Variants in DRC9 observed in about 807,000 individuals in gnomAD.
The protein encoded by DRC9 is dynein regulatory complex subunit 9, also known as dynein regulatory complex protein 9.
chr3:197,947,667 G>A, the DRC9 span, among the ~76,000 whole-genome samples: 1 of 152,168 alleles, frequency 6.6e-6, no homozygotes, highest in Admixed American at 6.5e-5. Context: ...AACATTTTCT[G>A]TGCTCTGAGA....
chr3:197,889,505 A>G, the DRC9 span: 3 of 1,518,202 alleles, frequency 2.0e-6, no homozygotes, highest in Admixed American at 3.4e-5. Context: ...TCTTTGAGGT[A>G]CCAGGTGTTT....
At chr3:197,891,737 C>T in the DRC9 span, among the ~76,000 whole-genome samples, 1 of 152,136 alleles carries the variant, frequency 6.6e-6, no homozygotes, top group South Asian at 2.1e-4. Context: ...GTTCCCAAAA[C>T]TTTTTCAGTT....
At chr3:197,892,078 T>G in the DRC9 span, among the ~76,000 whole-genome samples, 1 of 152,314 alleles carries the variant, frequency 6.6e-6, no homozygotes, top group South Asian at 2.1e-4. Flanking sequence ...TTAGTAGAGA[T>G]AGGGTTTTGC....
the DRC9 span, among the ~76,000 whole-genome samples, chr3:197,899,709 T>TG: frequency 3.2e-3 from 477 of 151,004 alleles, 5 homozygotes; most frequent in African/African-American, 0.011. Context: ...CTGTGCAGAG[T>TG]GAGAGGGCGA....
At chr3:197,930,713 A>G in the DRC9 span, among the ~76,000 whole-genome samples, 26 of 139,164 alleles carry the variant, frequency 1.9e-4, no homozygotes, top group African/African-American at 6.9e-4. Flanking sequence ...TTGGCCCGGG[A>G]GGCAGAGCGA....
At chr3:197,928,778 A>G in the DRC9 span, among the ~76,000 whole-genome samples, 2 of 152,364 alleles carry the variant, frequency 1.3e-5, no homozygotes, top group Admixed American at 1.3e-4. Flanking sequence ...TAAAGAAGAT[A>G]TAAAGCAGAC....
At chr3:197,933,441 CAAAAA>C in the DRC9 span, among the ~76,000 whole-genome samples, 4 of 150,920 alleles carry the variant, frequency 2.7e-5, no homozygotes, top group Non-Finnish European at 5.9e-5. Flanking sequence ...ACTCTTGTCT[CAAAAA>C]AACACAAAAA....
chr3:197,931,646 C>T, the DRC9 span, among the ~76,000 whole-genome samples: 1 of 151,514 alleles, frequency 6.6e-6, no homozygotes. Flanking sequence ...CTTGCTCTGT[C>T]GCCCAGGCTG....
chr3:197,891,327 T>C, the DRC9 span: 3 of 599,194 alleles, frequency 5.0e-6, no homozygotes, highest in Non-Finnish European at 9.1e-6. Context: ...AAGTCCATGC[T>C]TCTTCTCAGA....
At chr3:197,939,792 G>C in the DRC9 span, among the ~76,000 whole-genome samples, 15 of 151,962 alleles carry the variant, frequency 9.9e-5, no homozygotes, top group East Asian at 2.7e-3. Context: ...AGGCTGGAGT[G>C]CAGTGGCGCG....
At chr3:197,943,978 G>C in the DRC9 span, 1 of 1,614,050 alleles carries the variant, frequency 6.2e-7, no homozygotes, top group Non-Finnish European at 8.5e-7. Context: ...GTACTAGGTG[G>C]TTCGCCTGTC....
chr3:197,951,625 T>C, the DRC9 span: 80 of 370,720 alleles, frequency 2.2e-4, no homozygotes, highest in African/African-American at 1.5e-3. Context: ...AGTGCTGAGA[T>C]TACAGGCTTG....
the DRC9 span, among the ~76,000 whole-genome samples, chr3:197,934,248 G>A: frequency 5.7e-5 from 8 of 139,414 alleles, no homozygotes; most frequent in East Asian, 8.5e-4. Flanking sequence ...GCAGTGGCAC[G>A]ATCTCGGCTC....
At chr3:197,918,841 T>C in the DRC9 span, among the ~76,000 whole-genome samples, 1 of 152,046 alleles carries the variant, frequency 6.6e-6, no homozygotes, top group Non-Finnish European at 1.5e-5. Flanking sequence ...CGAGTTTTGC[T>C]CTTGTCGTCC....
chr3:197,891,425 A>G, the DRC9 span: 3 of 1,296,540 alleles, frequency 2.3e-6, no homozygotes, highest in Non-Finnish European at 2.2e-6. Flanking sequence ...CTGTGGCGAG[A>G]TACTGATTAT....
At chr3:197,927,079 G>A in the DRC9 span, among the ~76,000 whole-genome samples, 1 of 152,038 alleles carries the variant, frequency 6.6e-6, no homozygotes, top group African/African-American at 2.4e-5. Context: ...ACAGCCTTCT[G>A]CTTCTCTCCA....
At chr3:197,911,297 C>G in the DRC9 span, among the ~76,000 whole-genome samples, 1 of 152,048 alleles carries the variant, frequency 6.6e-6, no homozygotes, top group African/African-American at 2.4e-5. Context: ...AGCACAGATT[C>G]GAGAGTATTA....
the DRC9 span, chr3:197,956,659 T>A: frequency 3.4e-5 from 5 of 146,666 alleles, no homozygotes; most frequent in Non-Finnish European, 7.5e-5. Flanking sequence ...GGTCTTGTTT[T>A]GTTGCTTGGG....
the DRC9 span, among the ~76,000 whole-genome samples, chr3:197,903,563 G>A: frequency 6.6e-6 from 1 of 152,184 alleles, no homozygotes; most frequent in African/African-American, 2.4e-5. Context: ...TTGAACCCAG[G>A]AGGCGGAGGT....
Sources: allele counts gnomAD v4.1 joint callset (sites outside exome capture counted in the v4.1 genomes callset), GRCh38; gene constraint gnomAD v4.1.1; transcripts MANE v1.5; gene names NCBI Gene and HGNC (gene_info 2026-07-23, HGNC 2026-07-21).